ZNF142: variants seen among roughly 807,000 people sequenced by gnomAD.
ZNF142 encodes zinc finger protein 142.
A neutral mutation model predicts 132.1 loss-of-function variants in ZNF142; 96 were observed. The ratio of observed to expected loss-of-function variants is 0.73; its 90% confidence interval spans 0.62 to 0.86. ZNF142 has a LOEUF of 0.86. Ranked by LOEUF, ZNF142 falls within the 40% of genes least tolerant of loss-of-function variation. The pLI is 0.00. For missense variants in ZNF142, 2,163 were observed against 2,336.2 expected, an observed-to-expected ratio of 0.93 and a Z score of 1.53; for synonymous variants, 842 against 890.1, an observed-to-expected ratio of 0.95 and a Z score of 0.96.
chr2:218,646,940 T>C (rs1050103284), intron 7 of ZNF142, among the ~76,000 whole-genome samples: 10 of 152,182 alleles, frequency 6.6e-5, no homozygotes, highest in Non-Finnish European at 1.0e-4. Flanking sequence ...TACAGCTTGC[T>C]GTCACTATGG....
intron 10 of ZNF142, 29 bp downstream of exon 10, chr2:218,640,635 T>G: frequency 6.2e-7 from 1 of 1,605,764 alleles, no homozygotes; most frequent in Non-Finnish European, 8.5e-7. Flanking sequence ...AAGGAACCCT[T>G]CAGGCCTGTC....
chr2:218,641,995 T>C (rs1697229683), intron 9 of ZNF142, 33 bp downstream of exon 9: 1 of 1,596,504 alleles, frequency 6.3e-7, no homozygotes, highest in African/African-American at 1.3e-5. Flanking sequence ...CCTGTGCTCC[T>C]TCCACTTCCT....
rs974751627 is a variant in ZNF142 at position 218,649,095 on chromosome 2, G to A, written c.1413C>T (p.His471=). ...CGGCTGCTGCCGTGTGGCTCTTGAG[G>A]TGCTCCTTTAGGGCCTGGCTGAGGC... ...EFRLSQALKE[H]LKSHTAAAAA... Residue 471 remains histidine (H), a synonymous_variant, in exon 7 of 11, where the codon CAC becomes CAT. Coordinates refer to ENST00000411696, the MANE Select transcript of ZNF142 (RefSeq NM_001379659.1). The A allele has an allele frequency of 6.2e-7, 1 of 1,614,022 alleles. No individual in the cohort carries two copies. The highest frequency in any genetic ancestry group is 8.5e-7 in the Non-Finnish European group (1 of 1,180,044).
At chr2:218,652,755 T>G (rs1938126698) in intron 4 of ZNF142, among the ~76,000 whole-genome samples, 1 of 152,156 alleles carries the variant, frequency 6.6e-6, no homozygotes, top group African/African-American at 2.4e-5. Flanking sequence ...ATTATTATTC[T>G]CCATAATAAT....
At chr2:218,646,447 G>T in intron 7 of ZNF142, 99 bp from the exon 8 acceptor site, 1 of 1,362,610 alleles carries the variant, frequency 7.3e-7, no homozygotes, top group Non-Finnish European at 1.0e-6. Context: ...ATGCCAGGGA[G>T]GAACAACAGC....
In ZNF142 at chr2:218,648,904, G is replaced by T. The variant is rs760681196; in HGVS notation, c.1604C>A (p.Ala535Asp). ...GAAGGCGTAGTGACTCTTGTGGTGG[G>T]CCTCCATGGCTTCGGCTGTGGCAAA... Reference protein sequence around the residue: ...MLFATAEAMEAHHKSHYAFHC... With the variant: ...MLFATAEAMEDHHKSHYAFHC... The change falls in exon 7 of 11, where the codon GCC (alanine) becomes GAC (aspartate). Residue 535 changes from alanine (A) to aspartate (D), a missense_variant. Coordinates refer to ENST00000411696, the MANE Select transcript of ZNF142 (RefSeq NM_001379659.1). The T allele has an allele frequency of 1.6e-5, 26 of 1,613,936 alleles. No homozygotes were observed. In the African/African-American group the frequency reaches 3.5e-4, roughly 22 times the overall value.
chr2:218,641,812 C>T (rs552028362), intron 9 of ZNF142, among the ~76,000 whole-genome samples: 1 of 152,308 alleles, frequency 6.6e-6, no homozygotes, highest in Admixed American at 6.5e-5. Context: ...GTTAAGATTA[C>T]AGGCGTGAGC....
chr2:218,648,914 C>T lies in ZNF142; in HGVS notation c.1594G>A (p.Ala532Thr). The stretch of plus-strand genomic sequence containing the variant: ...TGACTCTTGTGGTGGGCCTCCATGG[C>T]TTCGGCTGTGGCAAAGAGCATGGGA... Reference protein sequence around the residue: ...SCPMLFATAEAMEAHHKSHYA... With the variant: ...SCPMLFATAETMEAHHKSHYA... Residue 532 changes from alanine (A) to threonine (T), a missense_variant, in exon 7 of 11, where the codon GCC (alanine) becomes ACC (threonine). Coordinates refer to ENST00000411696, the MANE Select transcript of ZNF142 (RefSeq NM_001379659.1). 4 of 1,613,946 alleles carry T rather than the reference C, an allele frequency of 2.5e-6. No homozygotes were observed. The highest frequency in any genetic ancestry group is 3.4e-6 in the Non-Finnish European group (4 of 1,180,038).
At chr2:218,646,645 G>A (rs4674321) in intron 7 of ZNF142, among the ~76,000 whole-genome samples, 91,006 of 151,850 alleles carry the variant, frequency 0.6, 27,465 homozygotes, top group East Asian at 0.82. Flanking sequence ...GTGCAGTGAC[G>A]CTACCTCAGC....
At chr2:218,641,952 G>C in intron 9 of ZNF142, 76 bp downstream of exon 9, 1 of 1,525,100 alleles carries the variant, frequency 6.6e-7, no homozygotes, top group Non-Finnish European at 8.8e-7. Flanking sequence ...GGAGGAGTCA[G>C]CTATAGAGAA....
rs562110277 is a variant in ZNF142 at position 218,651,899 on chromosome 2, G to A, written c.682C>T (p.Arg228Trp). The A allele has an allele frequency of 2.8e-5, 36 of 1,285,606 alleles. No individual in the cohort carries two copies. Among genetic ancestry groups the A allele is most frequent in the Middle Eastern group, 2.1e-4 (1 of 4,688 alleles). The allele number at this position is 1,285,606 out of a possible 1,614,324, so 79.6% of individuals were successfully genotyped here. ...HRAVPVPCSFRGCPLLFGSQQ... is the reference protein window; with the variant it reads ...HRAVPVPCSFWGCPLLFGSQQ... ...CTCCCGAAAAGCAGGGGGCAGCCCC[G>A]GAAAGAACAGGGCACAGGAACTGCT... The change falls in exon 5 of 11, where the codon CGG becomes TGG. Residue 228 changes from arginine (R) to tryptophan (W), a missense_variant. Around this residue, in one of 7 missense-constraint regions of ZNF142, gnomAD observed 195 missense variants for 172.4 expected, o/e 1.13. Transcript: ENST00000411696.
chr2:218,638,832 C>T, intron 10 of ZNF142, 24 bp from the exon 11 acceptor site: 1 of 1,549,664 alleles, frequency 6.5e-7, no homozygotes. Context: ...AACAAATCAC[C>T]ATTGAAAGGC....
rs144127489 is a variant in ZNF142 at position 218,648,885 on chromosome 2, G to C, written c.1623C>G (p.Tyr541Ter). ...EAMEAHHKSH[Y>*]AFHCPHCDFA... The stretch of plus-strand genomic sequence containing the variant: ...AATCACAGTGGGGGCAGTGGAAGGC[G>C]TAGTGACTCTTGTGGTGGGCCTCCA... Residue 541 changes from tyrosine to a stop codon, truncating the protein, a stop_gained, in exon 7 of 11, where the codon TAC (tyrosine) becomes TAG (stop). Transcript: ENST00000411696. LOFTEE classifies it high-confidence loss of function. 1.2e-6 allele frequency: 2 copies of C among 1,614,188 alleles called. No individual in the cohort carries two copies. The highest frequency in any genetic ancestry group is 1.1e-5 in the South Asian group (1 of 91,082).
At chr2:218,638,880 A>G (rs977274267) in intron 10 of ZNF142, 72 bp from the exon 11 acceptor site, 1 of 1,214,960 alleles carries the variant, frequency 8.2e-7, no homozygotes, top group Non-Finnish European at 1.1e-6. Flanking sequence ...AGTTACTGCA[A>G]TCAGTGGATA....
Position 218,644,454 on chromosome 2 carries a change from C to T in ZNF142, c.2662G>A (p.Val888Met). ...TGTAGTGTGCAGCTGCCCTCCTCCA[C>T]CTCTGCTGGGCTGGGACTGCCACCC... is the stretch of plus-strand genomic sequence containing the variant. ...DLGGSPSPAE[V>M]EEGSCTLHLE... The change falls in exon 9 of 11, where the codon GTG (valine) becomes ATG (methionine). Residue 888 changes from valine (V) to methionine (M), a missense_variant. Transcript: ENST00000411696. This position sits in a 1 kb window ranked among gnomAD's most constrained non-coding sequence, Gnocchi z 4.6. 1.9e-6 allele frequency: 3 copies of T among 1,614,066 alleles called. No homozygotes were observed. The highest frequency in any genetic ancestry group is 2.5e-6 in the Non-Finnish European group (3 of 1,180,008).
Position 218,638,313 on chromosome 2 carries a change from T to C in ZNF142, c.*26A>G. The C allele has an allele frequency of 6.7e-7, 1 of 1,494,062 alleles. No individual in the cohort carries two copies. Among genetic ancestry groups the C allele is most frequent in the Middle Eastern group, 2.3e-4 (1 of 4,354 alleles). The allele number at this position is 1,494,062 out of a possible 1,614,324, so 92.6% of individuals were successfully genotyped here. The stretch of plus-strand genomic sequence containing the variant: ...CTGCACATCTCAGACCATACCCTCT[T>C]CCTATACAGGAGGTGGGGCAGGCTT... On this transcript the variant is annotated 3_prime_UTR_variant, in exon 11 of 11. Transcript: ENST00000411696.
chr2:218,650,655 T>C lies in ZNF142; in HGVS notation c.881-129A>G, dbSNP rs547023848. On this transcript the variant is annotated intron_variant, in intron 5 of 10. Transcript: ENST00000411696. Reference sequence around the variant, plus strand: ...TAGCATAAGGAGATCTTGGGTTTTATGTATAAATGTATTTCCACTCAAGAT... The same window carrying C: ...TAGCATAAGGAGATCTTGGGTTTTACGTATAAATGTATTTCCACTCAAGAT... The C allele has an allele frequency of 1.3e-4, 111 of 878,646 alleles. 1 individual carries two copies. The Middle Eastern group carries it at 1.4e-3, about 11-fold the overall frequency. The allele number at this position is 878,646 out of a possible 1,614,324, so 54.4% of individuals were successfully genotyped here.
intron 7 of ZNF142, 85 bp downstream of exon 7, chr2:218,648,550 T>G: frequency 8.8e-6 from 12 of 1,365,784 alleles, no homozygotes; most frequent in South Asian, 2.9e-5. Flanking sequence ...TTGGGTCAAA[T>G]GAGAAAACGT....
intron 3 of ZNF142, among the ~76,000 whole-genome samples, chr2:218,657,804 G>A (rs187831782): frequency 1.3e-5 from 2 of 152,282 alleles, no homozygotes. Flanking sequence ...TCAGAAACGA[G>A]GTCACACTGC....
Sources: gnomAD v4.1 joint callset for allele counts (sites outside exome capture counted in the v4.1 genomes callset) on GRCh38, gnomAD v4.1.1 for gene constraint, gnomAD v4.1.1 regional missense constraint, Gnocchi (gnomAD v3.1) non-coding constraint, MANE v1.5 for transcripts, NCBI Gene and HGNC (gene_info 2026-07-23, HGNC 2026-07-21) for gene names.